PTP4A3: variants seen among roughly 807,000 people sequenced by gnomAD.
The protein encoded by PTP4A3 is protein tyrosine phosphatase 4A3.
In PTP4A3, 9 loss-of-function variants were observed where a neutral mutation model predicts 15.2. That is an observed-to-expected ratio of 0.59 (90% CI 0.36 to 1.03). The LOEUF is 1.03. Among genes scored for constraint, PTP4A3 ranks in the 50% least tolerant of loss-of-function variants. PTP4A3 has a pLI of 0.02. For missense variants in PTP4A3, 234 were observed against 252.1 expected, an observed-to-expected ratio of 0.93 and a Z score of 0.49; for synonymous variants, 95 against 102.0, an observed-to-expected ratio of 0.93 and a Z score of 0.41.
chr8:141,427,600 C>A, intron 4 of PTP4A3, 150 bp from the exon 5 acceptor site: 2 of 647,214 alleles, frequency 3.1e-6, no homozygotes. Flanking sequence ...TCAGGCTGGG[C>A]TGTGAGGCTG....
intron 1 of PTP4A3, among the ~76,000 whole-genome samples, chr8:141,400,770 C>T (rs533502289): frequency 9.2e-5 from 14 of 152,324 alleles, no homozygotes; most frequent in African/African-American, 2.9e-4. Context: ...GGGGGCTGCC[C>T]GGGTCCACAC....
chr8:141,429,162 A>G (rs1231307778), intron 5 of PTP4A3, among the ~76,000 whole-genome samples: 1 of 152,222 alleles, frequency 6.6e-6, no homozygotes, highest in Non-Finnish European at 1.5e-5. Context: ...CCCTACCCGG[A>G]GGCGTGGCTG....
chr8:141,401,184 G>A (rs1421952663), intron 1 of PTP4A3, among the ~76,000 whole-genome samples: 2 of 152,234 alleles, frequency 1.3e-5, no homozygotes, highest in African/African-American at 4.8e-5. Context: ...AGGGAGGGAA[G>A]CTGGTGTCTG....
intron 1 of PTP4A3, among the ~76,000 whole-genome samples, chr8:141,418,263 T>TCCTCCCC (rs1354327648): frequency 3.9e-5 from 6 of 152,174 alleles, no homozygotes; most frequent in Non-Finnish European, 8.8e-5. Flanking sequence ...GCCTCCAGCC[T>TCCTCCCC]CCTCCCCCAA....
At chr8:141,400,054 T>C (rs1474078585) in intron 1 of PTP4A3, among the ~76,000 whole-genome samples, 1 of 152,230 alleles carries the variant, frequency 6.6e-6, no homozygotes, top group Non-Finnish European at 1.5e-5. Flanking sequence ...ACCACAGGCA[T>C]GCGCCACTAT....
At chr8:141,401,785 G>T (rs1832597201) in intron 1 of PTP4A3, among the ~76,000 whole-genome samples, 1 of 152,156 alleles carries the variant, frequency 6.6e-6, no homozygotes, top group Non-Finnish European at 1.5e-5. Flanking sequence ...GGTGGAGCGG[G>T]GCTCCAAGGC....
intron 2 of PTP4A3, among the ~76,000 whole-genome samples, chr8:141,423,301 CCT>C (rs779593797): frequency 1.5e-4 from 23 of 152,182 alleles, no homozygotes; most frequent in Non-Finnish European, 2.8e-4. Flanking sequence ...AGCTGAGACC[CCT>C]GAGATAACAG....
At chr8:141,395,955 G>A (rs1411274534) in intron 1 of PTP4A3, among the ~76,000 whole-genome samples, 1 of 152,200 alleles carries the variant, frequency 6.6e-6, no homozygotes, top group East Asian at 1.9e-4. Context: ...GGGCCACCCT[G>A]GCTGGGGACA....
intron 3 of PTP4A3, 135 bp from the exon 4 acceptor site, chr8:141,426,804 C>G: frequency 5.6e-6 from 8 of 1,435,152 alleles, no homozygotes; most frequent in Non-Finnish European, 7.5e-6. Flanking sequence ...TGTGTGCCCT[C>G]TGGGTCTGCT....
At position 141,401,431 on chromosome 8, in the gene PTP4A3, C is replaced by T. The variant is rs184947613; in HGVS notation, c.-854+9347C>T. ...TTGCCTGCCTGTGCTTCAGTGTCCCCCTCTGTAAACAGGGTGTGACGTCCC... is the reference window on the plus strand; with the variant it reads ...TTGCCTGCCTGTGCTTCAGTGTCCCTCTCTGTAAACAGGGTGTGACGTCCC... On this transcript the variant is annotated intron_variant, in intron 1 of 5. Coordinates refer to ENST00000521578, the MANE Select transcript of PTP4A3 (RefSeq NM_032611.3). 2.0e-5 allele frequency among the ~76,000 whole-genome samples: 3 copies of T among 152,298 alleles called. No individual in the cohort carries two copies. The East Asian group carries it at 5.8e-4, about 29-fold the overall frequency.
intron 1 of PTP4A3, among the ~76,000 whole-genome samples, chr8:141,395,578 G>A (rs773842599): frequency 1.7e-4 from 25 of 146,964 alleles, no homozygotes; most frequent in Non-Finnish European, 3.5e-4. Flanking sequence ...TAGGTGCGTG[G>A]GCCACCCCTC....
rs1018778222 is a variant in PTP4A3, at chr8:141,406,074, C to T, written c.-854+13990C>T. Among the ~76,000 whole-genome samples the T allele has an allele frequency of 8.6e-5, 13 of 151,814 alleles. No individual in the cohort carries two copies. Among genetic ancestry groups the T allele is most frequent in the East Asian group, 7.7e-4 (4 of 5,162 alleles). On this transcript the variant is annotated intron_variant, in intron 1 of 5. Coordinates refer to ENST00000521578, the MANE Select transcript of PTP4A3 (RefSeq NM_032611.3). This position sits in a 1 kb window ranked among gnomAD's most constrained non-coding sequence, Gnocchi z 4.5. ...CGCGGGCACCACTGGAGGCTTTGAGCGGAGGGGGCTATGATCTGACTTAGG... is the reference window on the plus strand; with the variant it reads ...CGCGGGCACCACTGGAGGCTTTGAGTGGAGGGGGCTATGATCTGACTTAGG...
rs144313160 is a variant in PTP4A3, at chr8:141,395,911, G to T, written c.-854+3827G>T. Among the ~76,000 whole-genome samples the T allele has an allele frequency of 3.2e-3, 489 of 152,332 alleles. 2 individuals are homozygous for T. The highest frequency in any genetic ancestry group is 0.011 in the African/African-American group (449 of 41,568). On this transcript the variant is annotated intron_variant, in intron 1 of 5. Transcript: ENST00000521578. ...AGGGCTTATGCTTCTAGAAGGAGTGGAAATGCAGCACAGTCATTGCTGTTG... is the reference window on the plus strand; with the variant it reads ...AGGGCTTATGCTTCTAGAAGGAGTGTAAATGCAGCACAGTCATTGCTGTTG...
chr8:141,425,190 G>T lies in PTP4A3; in HGVS notation c.198+50G>T. On this transcript the variant is annotated intron_variant, in intron 3 of 5. Coordinates refer to ENST00000521578, the MANE Select transcript of PTP4A3 (RefSeq NM_032611.3). The surrounding 1 kb of genome is among the most constrained non-coding windows in gnomAD (Gnocchi z 4.2). The stretch of plus-strand genomic sequence containing the variant: ...TAGTCACTGCTGCCACCGGGGGAGG[G>T]TGGGGCGGGGGGCTCCGGGCCTGCG... The T allele has an allele frequency of 1.4e-6, 2 of 1,438,554 alleles. No individual in the cohort carries two copies. Among genetic ancestry groups the T allele is most frequent in the Admixed American group, 1.7e-5 (1 of 57,956 alleles). The allele number at this position is 1,438,554 out of a possible 1,614,324, so 89.1% of individuals were successfully genotyped here.
intron 1 of PTP4A3, among the ~76,000 whole-genome samples, chr8:141,397,599 C>A (rs764500818): frequency 5.9e-5 from 9 of 152,336 alleles, no homozygotes; most frequent in Non-Finnish European, 1.2e-4. Flanking sequence ...CCCCTGCAGA[C>A]CCTCACAAGG....
intron 1 of PTP4A3, among the ~76,000 whole-genome samples, chr8:141,420,748 G>A (rs1478140608): frequency 6.6e-6 from 1 of 152,218 alleles, no homozygotes; most frequent in African/African-American, 2.4e-5. Flanking sequence ...GGGGGACACT[G>A]GTGGACAGGG....
At chr8:141,416,037 G>C (rs1370812984) in intron 1 of PTP4A3, among the ~76,000 whole-genome samples, 1 of 152,084 alleles carries the variant, frequency 6.6e-6, no homozygotes, top group Non-Finnish European at 1.5e-5. Context: ...AGCTGCAGCA[G>C]GTGCCTCCCA....
chr8:141,403,409 CA>C (rs1412314711), intron 1 of PTP4A3, among the ~76,000 whole-genome samples: 5 of 152,226 alleles, frequency 3.3e-5, no homozygotes, highest in African/African-American at 9.6e-5. Context: ...AGGCTGGCCA[CA>C]GGGGCACCCC....
chr8:141,401,585 C>T (rs1382992289), intron 1 of PTP4A3, among the ~76,000 whole-genome samples: 1 of 152,088 alleles, frequency 6.6e-6, no homozygotes, highest in Non-Finnish European at 1.5e-5. Context: ...CCGGGCTGTT[C>T]CCACGGCTGC....
Sources: gnomAD v4.1 joint callset for allele counts (sites outside exome capture counted in the v4.1 genomes callset) on GRCh38, gnomAD v4.1.1 for gene constraint, Gnocchi (gnomAD v3.1) non-coding constraint, MANE v1.5 for transcripts, NCBI Gene and HGNC (gene_info 2026-07-23, HGNC 2026-07-21) for gene names.